DNHD1: variants seen among roughly 807,000 people sequenced by gnomAD.
The protein encoded by DNHD1 is dynein heavy chain domain-containing protein 1.
In DNHD1, 383 loss-of-function variants were observed where a neutral mutation model predicts 458.1. That is an observed-to-expected ratio of 0.84 (90% CI 0.77 to 0.91). The LOEUF (loss-of-function observed/expected upper bound fraction) is 0.91, where lower values mean the gene tolerates loss of function less well. DNHD1 is among the 40% of genes least tolerant of loss of function. DNHD1 has a pLI of 0.00. For synonymous variants in DNHD1, 2,203 were observed against 2,376.9 expected (o/e 0.93, Z 2.13); for missense variants, 5,336 against 5,866.1 (o/e 0.91, Z 2.95).
intron 7 of DNHD1, among the ~76,000 whole-genome samples, chr11:6,514,163 G>A (rs1458635328): frequency 6.6e-6 from 1 of 152,056 alleles, no homozygotes; most frequent in African/African-American, 2.4e-5. Context: ...GAGTGCAGTG[G>A]TGTGATCTCA....
In DNHD1 at chr11:6,571,505, A is replaced by C. The variant is rs369288420; in HGVS notation, c.13911+82A>C. ...ACCTCGCAGTTACCCCTTCTTGGTGATCTTGCCCCCGGTAACCCTGCTAGC... is the reference window on the plus strand; with the variant it reads ...ACCTCGCAGTTACCCCTTCTTGGTGCTCTTGCCCCCGGTAACCCTGCTAGC... On this transcript the variant is annotated intron_variant, in intron 42 of 42. Transcript: ENST00000254579. The surrounding 1 kb of genome is among the most constrained non-coding windows in gnomAD (Gnocchi z 5.0). The C allele has an allele frequency of 4.1e-6, 6 of 1,468,054 alleles. No homozygotes were observed. Among genetic ancestry groups the C allele is most frequent in the Non-Finnish European group, 5.4e-6 (6 of 1,102,220 alleles). The allele number at this position is 1,468,054 out of a possible 1,614,324, so 90.9% of individuals were successfully genotyped here.
chr11:6,547,807 T>C, intron 21 of DNHD1, 56 bp from the exon 22 acceptor site: 1 of 1,542,766 alleles, frequency 6.5e-7, no homozygotes, highest in South Asian at 1.2e-5. Flanking sequence ...TTTCTTTCTT[T>C]CACCTTCCAC....
At chr11:6,529,828 T>G (rs1310773720) in intron 12 of DNHD1, among the ~76,000 whole-genome samples, 1 of 152,206 alleles carries the variant, frequency 6.6e-6, no homozygotes, top group Non-Finnish European at 1.5e-5. Context: ...TGTGTTTTCT[T>G]GGACTAATAG....
Position 6,545,925 on chromosome 11 carries a change from C to T in DNHD1, c.4986C>T (p.Pro1662=), listed in dbSNP as rs1853204966. The stretch of plus-strand genomic sequence containing the variant: ...TGGGACCTAGACTAGGGCCTCTACC[C>T]AGCCTACTGCCTGAACGGCCAGCCC... ...EYLGPRLGPL[P]SLLPERPALV... is the part of the protein sequence containing the mutation. The change falls in exon 21 of 43, where the codon CCC becomes CCT. Residue 1662 remains proline, a synonymous_variant. Transcript: ENST00000254579. The surrounding 1 kb of genome is among the most constrained non-coding windows in gnomAD (Gnocchi z 4.9). 6.4e-7 allele frequency: 1 copy of T among 1,551,676 alleles called. No homozygotes were observed. The highest frequency in any genetic ancestry group is 1.2e-5 in the South Asian group (1 of 84,062).
rs201749969 is a variant in DNHD1, at chr11:6,571,048, C to T, written c.13536C>T (p.Gly4512=). The T allele has an allele frequency of 3.4e-5, 54 of 1,578,620 alleles. No homozygotes were observed. The African/African-American group carries it at 4.8e-4, about 14-fold the overall frequency. Residue 4512 remains glycine (G), a synonymous_variant, in exon 42 of 43, where the codon GGC becomes GGT. Coordinates refer to ENST00000254579, the MANE Select transcript of DNHD1 (RefSeq NM_144666.3). This position sits in a 1 kb window ranked among gnomAD's most constrained non-coding sequence, Gnocchi z 5.0. ...ATTGCCTGTTGCAGCAGCTGAAGGGCGCACCCCCGTGCCCCTCCCGCCGCT... is the reference window on the plus strand; with the variant it reads ...ATTGCCTGTTGCAGCAGCTGAAGGGTGCACCCCCGTGCCCCTCCCGCCGCT... ...DLDCLLQQLK[G]APPCPSRRCA... is the part of the protein sequence containing the mutation.
At position 6,565,951 on chromosome 11, in the gene DNHD1, C is replaced by T; in HGVS notation, c.11013C>T (p.Asp3671=). The T allele has an allele frequency of 6.4e-7, 1 of 1,551,634 alleles. No individual in the cohort carries two copies. The highest frequency in any genetic ancestry group is 8.7e-7 in the Non-Finnish European group (1 of 1,146,982). Residue 3671 remains aspartate, a synonymous_variant, in exon 33 of 43, where the codon GAC becomes GAT. Coordinates refer to ENST00000254579, the MANE Select transcript of DNHD1 (RefSeq NM_144666.3). ...ACCTTAGTGTTCTTTCAGGTGCTGA[C>T]CCAGAGCTGGGTTCTCAGCTCCAGG... ...LPYLSVLSGA[D]PELGSQLQEA...
chr11:6,541,065 G>C (rs1237800528), intron 18 of DNHD1, among the ~76,000 whole-genome samples: 1 of 152,194 alleles, frequency 6.6e-6, no homozygotes, highest in African/African-American at 2.4e-5. Flanking sequence ...AAGTCCTTAT[G>C]AAGGGAAGGG....
Position 6,571,292 on chromosome 11 carries a change from C to CT in DNHD1, c.13781dup (p.Ala4595GlyfsTer20). The CT allele has an allele frequency of 6.2e-7, 1 of 1,612,518 alleles. No homozygotes were observed. Among genetic ancestry groups the CT allele is most frequent in the Non-Finnish European group, 8.5e-7 (1 of 1,179,650 alleles). The stretch of plus-strand genomic sequence containing the variant: ...CTTTCGCCACCCGCGCCGCCTGCTG[C>CT]TGGCATTGCGTGGGGAAGCTGCCCT... On this transcript the variant is annotated frameshift_variant, in exon 42 of 43. Transcript: ENST00000254579. LOFTEE classifies it high-confidence loss of function. The surrounding 1 kb of genome is among the most constrained non-coding windows in gnomAD (Gnocchi z 5.0).
rs137916949 is a variant in DNHD1 at position 6,557,200 on chromosome 11, C to T, written c.7905C>T (p.Thr2635=). The part of the protein sequence containing the change: ...RVSGLRGTCL[T]VMMATRNVVR... The stretch of plus-strand genomic sequence containing the variant: ...CAGGCCTGCGAGGCACTTGTCTGAC[C>T]GTTATGATGGCCACACGCAATGTGG... Residue 2635 remains threonine, a synonymous_variant, in exon 25 of 43, where the codon ACC becomes ACT. Transcript: ENST00000254579. 30 of 1,551,634 alleles carry T rather than the reference C, an allele frequency of 1.9e-5. No homozygotes were observed. In the East Asian group the frequency reaches 2.0e-4, roughly 10 times the overall value.
In DNHD1 at chr11:6,563,048, T is replaced by G. The variant is rs941042985; in HGVS notation, c.9586T>G (p.Cys3196Gly). 3 of 1,551,156 alleles carry G rather than the reference T, an allele frequency of 1.9e-6. No homozygotes were observed. In the African/African-American group the frequency reaches 4.1e-5, roughly 21 times the overall value. Reference protein sequence around the residue: ...KLLYKQQLEECRHQENLIENL... With the variant: ...KLLYKQQLEEGRHQENLIENL... The stretch of plus-strand genomic sequence containing the variant: ...CCTATACAAGCAGCAGCTGGAAGAG[T>G]GTCGGCATCAAGAGAACCTCATTGA... Residue 3196 changes from cysteine to glycine, a missense_variant, in exon 29 of 43, where the codon TGT becomes GGT. Around this residue, in one of 4 missense-constraint regions of DNHD1, gnomAD observed 3,932 missense variants for 4,365.6 expected, o/e 0.90. Transcript: ENST00000254579.
intron 10 of DNHD1, 135 bp downstream of exon 10, chr11:6,520,424 T>C: frequency 6.6e-7 from 1 of 1,515,088 alleles, no homozygotes; most frequent in Non-Finnish European, 8.9e-7. Context: ...AGCTCTAACC[T>C]GGGTACTGCA....
chr11:6,557,323 T>C lies in DNHD1; in HGVS notation c.8028T>C (p.Ala2676=). The change falls in exon 25 of 43, where the codon GCT becomes GCC. Residue 2676 remains alanine (A), a synonymous_variant. Transcript: ENST00000254579. ...SYCAKLLLVV[A]QSVFCCGPGP... is the part of the protein sequence containing the mutation. ...GTGCCAAGCTGCTCCTAGTAGTAGC[T>C]CAAAGTGTCTTCTGCTGTGGGCCAG... 6.4e-7 allele frequency: 1 copy of C among 1,551,500 alleles called. No homozygotes were observed. Among genetic ancestry groups the C allele is most frequent in the Non-Finnish European group, 8.7e-7 (1 of 1,146,968 alleles).
At chr11:6,550,315 T>C (rs1354556944) in intron 24 of DNHD1, among the ~76,000 whole-genome samples, 1 of 152,240 alleles carries the variant, frequency 6.6e-6, no homozygotes, top group African/African-American at 2.4e-5. Context: ...CTTCCAGCTA[T>C]ATTATTTGGT....
At position 6,557,283 on chromosome 11, in the gene DNHD1, G is replaced by A. The variant is rs1006107901; in HGVS notation, c.7988G>A (p.Arg2663Lys). The A allele has an allele frequency of 6.4e-7, 1 of 1,551,436 alleles. No individual in the cohort carries two copies. The highest frequency in any genetic ancestry group is 1.4e-5 in the African/African-American group (1 of 73,062). ...RTFCDRLDSP[R>K]ERSYCAKLLL... ...TTTTGCGACCGGCTGGACAGCCCCA[G>A]GGAACGCTCCTACTGTGCCAAGCTG... The change falls in exon 25 of 43, where the codon AGG becomes AAG. Residue 2663 changes from arginine (R) to lysine (K), a missense_variant. Around this residue, in one of 4 missense-constraint regions of DNHD1, gnomAD observed 3,932 missense variants for 4,365.6 expected, o/e 0.90. Coordinates refer to ENST00000254579, the MANE Select transcript of DNHD1 (RefSeq NM_144666.3).
Position 6,545,849 on chromosome 11 carries a change from C to T in DNHD1, c.4910C>T (p.Ala1637Val). ...TCTGAACCCTCTCTGTCACCAGCGG[C>T]ATGCTGGATAGATGTGCTAGGCAGG... is the stretch of plus-strand genomic sequence containing the variant. ...ASSEPSLSPA[A>V]CWIDVLGRSF... is the part of the protein sequence containing the mutation. Residue 1637 changes from alanine to valine, a missense_variant, in exon 21 of 43, where the codon GCA (alanine) becomes GTA (valine). This residue lies in a region of DNHD1 where 3,932 missense variants were observed against 4,365.6 expected (regional missense o/e 0.90). Coordinates refer to ENST00000254579, the MANE Select transcript of DNHD1 (RefSeq NM_144666.3). This position sits in a 1 kb window ranked among gnomAD's most constrained non-coding sequence, Gnocchi z 4.9. The T allele has an allele frequency of 1.3e-6, 2 of 1,551,868 alleles. No individual in the cohort carries two copies. Among genetic ancestry groups the T allele is most frequent in the Non-Finnish European group, 1.7e-6 (2 of 1,146,994 alleles).
chr11:6,523,207 T>C (rs897242314), intron 10 of DNHD1, among the ~76,000 whole-genome samples: 1 of 152,216 alleles, frequency 6.6e-6, no homozygotes, highest in Non-Finnish European at 1.5e-5. Flanking sequence ...AATCTCTTGA[T>C]GTACGTTTTG....
rs1481801207 is a variant in DNHD1, at chr11:6,547,097, G to A, written c.6158G>A (p.Gly2053Asp). Residue 2053 changes from glycine (G) to aspartate (D), a missense_variant, in exon 21 of 43, where the codon GGC becomes GAC. Physicochemically the swap from Gly to Asp is moderately conservative, Grantham distance 94. Around this residue, in one of 4 missense-constraint regions of DNHD1, gnomAD observed 3,932 missense variants for 4,365.6 expected, o/e 0.90. Coordinates refer to ENST00000254579, the MANE Select transcript of DNHD1 (RefSeq NM_144666.3). ...CTAGAGGGCTCCTGCTGGCATCATG[G>A]CATCTTTCCCAAGGTACTTCGTGCA... ...GWLEGSCWHH[G>D]IFPKVLRAAG... 3.9e-6 allele frequency: 6 copies of A among 1,551,618 alleles called. No individual in the cohort carries two copies. In the South Asian group the frequency reaches 7.1e-5, roughly 18 times the overall value.
chr11:6,501,659 A>T (rs1852138248), intron 3 of DNHD1, among the ~76,000 whole-genome samples: 2 of 152,144 alleles, frequency 1.3e-5, no homozygotes, highest in South Asian at 4.2e-4. Context: ...GGGGTTAGGG[A>T]TAGCAGTTTG....
intron 24 of DNHD1, among the ~76,000 whole-genome samples, chr11:6,551,834 G>A (rs1457406324): frequency 5.3e-5 from 8 of 152,006 alleles, no homozygotes; most frequent in African/African-American, 1.5e-4. Flanking sequence ...ACAGCTACTC[G>A]GGAGGCTGAG....
Sources: allele counts gnomAD v4.1 joint callset (sites outside exome capture counted in the v4.1 genomes callset), GRCh38; gene constraint gnomAD v4.1.1; regional missense constraint gnomAD v4.1.1; non-coding constraint Gnocchi (gnomAD v3.1); transcripts MANE v1.5; gene names NCBI Gene and HGNC (gene_info 2026-07-23, HGNC 2026-07-21).